Variants in OPRM1 observed in about 807,000 individuals in gnomAD.
The protein encoded by OPRM1 is mu-type opioid receptor.
OPRM1 carries 27 observed loss-of-function variants against 31.8 expected under a neutral mutation model. That is an observed-to-expected ratio of 0.85 (90% confidence interval 0.63 to 1.17). The LOEUF (loss-of-function observed/expected upper bound fraction) is 1.17. OPRM1 is among the 50% of genes most tolerant of loss of function. The pLI is 0.00. For missense variants in OPRM1, 536 were observed against 511.1 expected, an observed-to-expected ratio of 1.05 and a Z score of -0.47; for synonymous variants, 196 against 189.9, an observed-to-expected ratio of 1.03 and a Z score of -0.26.
At chr6:154,165,708 G>A (rs549136548) in intron 3 of OPRM1, among the ~76,000 whole-genome samples, 18 of 152,308 alleles carry the variant, frequency 1.2e-4, no homozygotes, top group Admixed American at 4.6e-4. Flanking sequence ...CCCTGAAAAT[G>A]AGATGACCCA....
At chr6:154,181,982 G>A (rs1052491132) in intron 3 of OPRM1, among the ~76,000 whole-genome samples, 10 of 152,086 alleles carry the variant, frequency 6.6e-5, no homozygotes, top group East Asian at 1.9e-4. Flanking sequence ...AAGGTGAGGC[G>A]ATTTTAAAAG....
Position 154,090,259 on chromosome 6 carries a change from G to A in OPRM1, c.643+81G>A. The stretch of plus-strand genomic sequence containing the variant: ...ATGTCATAAGCAAAGCAGTATTTAT[G>A]GAGTGCCCCATTGTCTTAGTCACAT... On this transcript the variant is annotated intron_variant, in intron 2 of 3. Coordinates refer to ENST00000330432, the MANE Select transcript of OPRM1 (RefSeq NM_000914.5). 3.4e-6 allele frequency: 3 copies of A among 889,500 alleles called. No homozygotes were observed. The South Asian group carries it at 4.7e-5, about 14-fold the overall frequency. 55.1% of individuals were successfully genotyped at this position (889,500 alleles called of 1,614,324 possible).
At chr6:154,023,898 T>A (rs925619772) in intron 1 of OPRM1, among the ~76,000 whole-genome samples, 3 of 152,156 alleles carry the variant, frequency 2.0e-5, no homozygotes, top group African/African-American at 7.2e-5. Context: ...TCCCACTTGG[T>A]CATGATGAAT....
chr6:154,196,279 T>C (rs574450111), intron 3 of OPRM1, among the ~76,000 whole-genome samples: 42 of 152,334 alleles, frequency 2.8e-4, no homozygotes, highest in Non-Finnish European at 4.9e-4. Context: ...TCAAAGTAGC[T>C]AGCTAAAGTA....
intron 3 of OPRM1, among the ~76,000 whole-genome samples, chr6:154,153,174 C>T (rs1276359933): frequency 6.6e-6 from 1 of 152,146 alleles, no homozygotes; most frequent in Non-Finnish European, 1.5e-5. Context: ...CTAGCTAAAA[C>T]GTGGAATTCC....
chr6:154,152,347 G>GAAAGAAAGAAAGAAAGAAAGGAAA, intron 3 of OPRM1, among the ~76,000 whole-genome samples: 9 of 65,180 alleles, frequency 1.4e-4, no homozygotes, highest in African/African-American at 4.5e-4. Context: ...AAGAAAGAAA[G>GAAAGAAAGAAAGAAAGAAAGGAAA]GAAAGAAAGA....
intron 3 of OPRM1, among the ~76,000 whole-genome samples, chr6:154,192,945 T>C (rs951838307): frequency 4.6e-5 from 7 of 152,184 alleles, no homozygotes; most frequent in Non-Finnish European, 1.0e-4. Flanking sequence ...AACCACACTA[T>C]GGAAAACAGT....
intron 1 of OPRM1, among the ~76,000 whole-genome samples, chr6:154,019,747 C>CTTTTTTTTTTTTTT (rs373120574): frequency 8.2e-6 from 1 of 122,014 alleles, no homozygotes; most frequent in African/African-American, 3.4e-5. Flanking sequence ...CTTTTCTTTT[C>CTTTTTTTTTTTTTT]TTTTTTTTTT....
intron 1 of OPRM1, among the ~76,000 whole-genome samples, chr6:154,088,531 T>A (rs1335466927): frequency 6.6e-6 from 1 of 152,200 alleles, no homozygotes; most frequent in African/African-American, 2.4e-5. Flanking sequence ...ACTTATGGGT[T>A]TTTAAATAGG....
rs917468596 is a variant in OPRM1, at chr6:154,168,813, C to T, written c.1164+77341C>T. On this transcript the variant is annotated intron_variant, in intron 3 of 3. Coordinates refer to the OPRM1 transcript ENST00000337049. The surrounding 1 kb of genome is among the most constrained non-coding windows in gnomAD (Gnocchi z 4.1). ...TACAGACAGGGTTTCACCATGTTGC[C>T]CAGGCTGGTCTTGAACTCCTGACTT... Among the ~76,000 whole-genome samples, 2 of 151,580 alleles carry T rather than the reference C, an allele frequency of 1.3e-5. No homozygotes were observed. Among genetic ancestry groups the T allele is most frequent in the Non-Finnish European group, 2.9e-5 (2 of 67,940 alleles).
intron 3 of OPRM1, among the ~76,000 whole-genome samples, chr6:154,141,626 G>A (rs1202487244): frequency 2.6e-5 from 4 of 152,204 alleles, no homozygotes; most frequent in Admixed American, 6.5e-5. Flanking sequence ...TTTGGGAGAC[G>A]TGAGACATCA....
At position 154,123,522 on chromosome 6, in the gene OPRM1, G is replaced by A. The variant is rs1030608455; in HGVS notation, c.*4801G>A. On this transcript the variant is annotated 3_prime_UTR_variant, in exon 4 of 4. Transcript: ENST00000330432. ...TTGGTCCTTTTCTTCTCCCTGAAAA[G>A]CAAGTTTATTAAGAAAGCAAAGGAA... 6.6e-6 allele frequency among the ~76,000 whole-genome samples: 1 copy of A among 152,174 alleles called. No individual in the cohort carries two copies. The highest frequency in any genetic ancestry group is 2.4e-5 in the African/African-American group (1 of 41,436).
At chr6:154,233,460 T>C (rs1443111712) in intron 3 of OPRM1, among the ~76,000 whole-genome samples, 1 of 152,184 alleles carries the variant, frequency 6.6e-6, no homozygotes, top group East Asian at 1.9e-4. Context: ...CATTACCCTA[T>C]GAATATAACT....
Position 154,126,194 on chromosome 6 carries a change from G to A in OPRM1, c.*7473G>A, listed in dbSNP as rs1797577572. Among the ~76,000 whole-genome samples, 2 of 145,060 alleles carry A rather than the reference G, an allele frequency of 1.4e-5. No individual in the cohort carries two copies. Among genetic ancestry groups the A allele is most frequent in the African/African-American group, 2.6e-5 (1 of 39,200 alleles). ...AAACCACAGAAGATATAGGAGAAGA[G>A]AAAAAAAAAAGAGGAAATAAAGAAG... On this transcript the variant is annotated 3_prime_UTR_variant, in exon 4 of 4. Transcript: ENST00000330432.
At position 154,128,872 on chromosome 6, in the gene OPRM1, A is replaced by G. The variant is rs998406420; in HGVS notation, c.*10151A>G. On this transcript the variant is annotated 3_prime_UTR_variant, in exon 4 of 4. Coordinates refer to ENST00000330432, the MANE Select transcript of OPRM1 (RefSeq NM_000914.5). ...CTCTGTTTTTGCATAGTGCACAGAG[A>G]TCTTTGTAAAAAACAGGAAATTAAT... Among the ~76,000 whole-genome samples the G allele has an allele frequency of 1.3e-5, 2 of 152,214 alleles. No homozygotes were observed. The highest frequency in any genetic ancestry group is 2.9e-5 in the Non-Finnish European group (2 of 68,042).
In OPRM1 at chr6:154,121,191, A is replaced by C. The variant is rs1390169376; in HGVS notation, c.*2470A>C. Among the ~76,000 whole-genome samples, 1 of 152,178 alleles carries C rather than the reference A, an allele frequency of 6.6e-6. No homozygotes were observed. The highest frequency in any genetic ancestry group is 2.4e-5 in the African/African-American group (1 of 41,450). On this transcript the variant is annotated 3_prime_UTR_variant, in exon 4 of 4. Transcript: ENST00000330432. ...AGATTTCTTCCCAGGTTGGTATCCC[A>C]GAAATGCAGACTGTAGCTATGGGGC...
At chr6:154,209,354 CT>C (rs1410695386) in intron 3 of OPRM1, among the ~76,000 whole-genome samples, 2 of 152,182 alleles carry the variant, frequency 1.3e-5, no homozygotes, top group South Asian at 2.1e-4. Flanking sequence ...AATTCACTCT[CT>C]GCATAAAAGC....
upstream of OPRM1, among the ~76,000 whole-genome samples, chr6:154,038,604 C>T (rs908956735): frequency 6.6e-6 from 1 of 152,110 alleles, no homozygotes; most frequent in African/African-American, 2.4e-5. Flanking sequence ...ATAAACAATT[C>T]CAAACAGGTC....
At chr6:154,143,645 G>A (rs1329757562) in intron 3 of OPRM1, among the ~76,000 whole-genome samples, 1 of 152,196 alleles carries the variant, frequency 6.6e-6, no homozygotes, top group African/African-American at 2.4e-5. Context: ...CTTTGTTTCA[G>A]TGTTGAGAGG....
Sources: gnomAD v4.1 joint callset for allele counts (sites outside exome capture counted in the v4.1 genomes callset) on GRCh38, gnomAD v4.1.1 for gene constraint, Gnocchi (gnomAD v3.1) non-coding constraint, MANE v1.5 for transcripts, NCBI Gene and HGNC (gene_info 2026-07-23, HGNC 2026-07-21) for gene names.